The following CEP162 variants were observed in gnomAD, a reference collection of about 807,000 sequenced individuals.
CEP162 encodes centrosomal protein 162.
A neutral mutation model predicts 169.2 loss-of-function variants in CEP162; 141 were observed. That is an observed-to-expected ratio of 0.83 (90% CI 0.73 to 0.96). The LOEUF (loss-of-function observed/expected upper bound fraction) is 0.96. CEP162 is among the 40% of genes least tolerant of loss of function. The probability of loss-of-function intolerance (pLI) is 0.00; values close to 1 mark genes in which losing one functional copy is unlikely to be tolerated. For synonymous variants in CEP162, 540 were observed against 526.4 expected, an observed-to-expected ratio of 1.03 and a Z score of -0.35; for missense variants, 1,600 against 1,587.2, an observed-to-expected ratio of 1.01 and a Z score of -0.14.
At chr6:84,188,332 C>T (rs375014763) in intron 11 of CEP162, among the ~76,000 whole-genome samples, 5 of 152,148 alleles carry the variant, frequency 3.3e-5, no homozygotes, top group African/African-American at 1.2e-4. Context: ...CTATTTCACA[C>T]CCAGGTAATA....
Position 84,192,743 on chromosome 6 carries a change from G to C in CEP162, c.1109+866C>G, listed in dbSNP as rs551766063. Reference sequence around the variant, plus strand: ...AGATCAAAGACCTGACAATGTAAGTGGTTAAGCACATGGATGGCCTGTGTT... The same window carrying C: ...AGATCAAAGACCTGACAATGTAAGTCGTTAAGCACATGGATGGCCTGTGTT... On this transcript the variant is annotated intron_variant, in intron 11 of 26. Coordinates refer to ENST00000403245, the MANE Select transcript of CEP162 (RefSeq NM_014895.4). Among the ~76,000 whole-genome samples the C allele has an allele frequency of 2.0e-4, 30 of 152,338 alleles. 2 individuals carry two copies. Among genetic ancestry groups the C allele is most frequent in the South Asian group, 1.9e-3 (9 of 4,820 alleles).
chr6:84,205,741 A>G (rs1439860642), intron 6 of CEP162, among the ~76,000 whole-genome samples: 6 of 151,956 alleles, frequency 3.9e-5, no homozygotes, highest in Non-Finnish European at 1.5e-5. Context: ...AGGAGAAGGA[A>G]ATAAAGGGTA....
chr6:84,170,817 A>G (rs983580249), intron 17 of CEP162, among the ~76,000 whole-genome samples: 1 of 152,226 alleles, frequency 6.6e-6, no homozygotes, highest in Non-Finnish European at 1.5e-5. Flanking sequence ...AGTAACGTCC[A>G]AAAGACCTTA....
At chr6:84,172,271 G>A (rs1240403656) in intron 16 of CEP162, among the ~76,000 whole-genome samples, 1 of 152,190 alleles carries the variant, frequency 6.6e-6, no homozygotes, top group Non-Finnish European at 1.5e-5. Flanking sequence ...ACAAGGCAGA[G>A]CAGAGGACAG....
intron 25 of CEP162, among the ~76,000 whole-genome samples, chr6:84,140,413 T>C (rs908033858): frequency 6.6e-6 from 1 of 152,162 alleles, no homozygotes; most frequent in Non-Finnish European, 1.5e-5. Context: ...AGGTCTTTGT[T>C]TTCTTAGGCT....
intron 9 of CEP162, among the ~76,000 whole-genome samples, chr6:84,200,520 G>A (rs565262739): frequency 2.6e-5 from 4 of 152,110 alleles, no homozygotes; most frequent in African/African-American, 9.6e-5. Context: ...ATTAGTTAAC[G>A]TTCACCTACA....
intron 13 of CEP162, among the ~76,000 whole-genome samples, chr6:84,177,717 A>C (rs1196518568): frequency 6.6e-6 from 1 of 152,076 alleles, no homozygotes; most frequent in Non-Finnish European, 1.5e-5. Flanking sequence ...TTGTATTTTT[A>C]GTAGAGACAG....
At chr6:84,176,491 T>G (rs988227858) in intron 13 of CEP162, among the ~76,000 whole-genome samples, 15 of 152,240 alleles carry the variant, frequency 9.9e-5, no homozygotes, top group Admixed American at 8.5e-4. Flanking sequence ...ATGAATGGGG[T>G]GTGATCTGCT....
chr6:84,224,982 C>T (rs888282761), intron 2 of CEP162, among the ~76,000 whole-genome samples: 1 of 152,118 alleles, frequency 6.6e-6, no homozygotes, highest in African/African-American at 2.4e-5. Context: ...TTGGTAGATG[C>T]TTTTTTAAAT....
At chr6:84,130,511 A>G (rs2099510895) in intron 25 of CEP162, among the ~76,000 whole-genome samples, 1 of 152,122 alleles carries the variant, frequency 6.6e-6, no homozygotes, top group Non-Finnish European at 1.5e-5. Context: ...TTGGTAGGCT[A>G]TTAATTACTC....
intron 17 of CEP162, among the ~76,000 whole-genome samples, chr6:84,171,377 A>G (rs541560812): frequency 9.2e-5 from 14 of 152,332 alleles, no homozygotes; most frequent in African/African-American, 3.4e-4. Context: ...ATGAACATAA[A>G]TTCATATGAA....
At position 84,169,367 on chromosome 6, in the gene CEP162, C is replaced by T; in HGVS notation, c.2346G>A (p.Gln782=). ...VVEDSEPTRN[Q]NFTDLLAELR... ...GTTCTGCTAACAGATCTGTAAAATT[C>T]TGATTTCTTGTGGGCTCTGAATCTT... The change falls in exon 18 of 27, where the codon CAG becomes CAA. Residue 782 remains glutamine, a synonymous_variant. Coordinates refer to ENST00000403245, the MANE Select transcript of CEP162 (RefSeq NM_014895.4). 1 of 1,583,986 alleles carries T rather than the reference C, an allele frequency of 6.3e-7. No homozygotes were observed. The highest frequency in any genetic ancestry group is 8.6e-7 in the Non-Finnish European group (1 of 1,164,018).
intron 25 of CEP162, among the ~76,000 whole-genome samples, chr6:84,139,135 TC>T (rs2099515416): frequency 6.6e-6 from 1 of 152,190 alleles, no homozygotes; most frequent in Admixed American, 6.5e-5. Context: ...TCTATCCTCC[TC>T]TTTTTCTGCC....
intron 11 of CEP162, among the ~76,000 whole-genome samples, chr6:84,190,344 G>A (rs957179693): frequency 6.6e-6 from 1 of 152,178 alleles, no homozygotes; most frequent in Non-Finnish European, 1.5e-5. Context: ...CCAATCAGCA[G>A]GATGTGGGTG....
At chr6:84,184,058 T>C (rs958025151) in intron 13 of CEP162, among the ~76,000 whole-genome samples, 1 of 152,274 alleles carries the variant, frequency 6.6e-6, no homozygotes, top group African/African-American at 2.4e-5. Context: ...TCCCTTCCTA[T>C]CTGCCTCCAC....
At chr6:84,161,938 C>T (rs548862599) in intron 19 of CEP162, 29 bp from the exon 20 acceptor site, 20 of 1,331,476 alleles carry the variant, frequency 1.5e-5, no homozygotes, top group African/African-American at 3.0e-5. Flanking sequence ...CAATAACCTG[C>T]TTGTTGTTCT....
intron 7 of CEP162, among the ~76,000 whole-genome samples, chr6:84,202,579 G>C (rs1189106738): frequency 7.7e-6 from 1 of 130,536 alleles, no homozygotes; most frequent in Non-Finnish European, 1.5e-5. Flanking sequence ...CCAGGCTGGA[G>C]TGCAGTGGCT....
At chr6:84,214,184 CAGG>C (rs952984544) in intron 5 of CEP162, among the ~76,000 whole-genome samples, 6 of 152,278 alleles carry the variant, frequency 3.9e-5, no homozygotes, top group Admixed American at 3.9e-4. Context: ...GAGGCTGAGG[CAGG>C]AGAATGGTGT....
At chr6:84,148,087 T>C (rs542433733) in intron 24 of CEP162, among the ~76,000 whole-genome samples, 29 of 152,292 alleles carry the variant, frequency 1.9e-4, no homozygotes, top group African/African-American at 6.5e-4. Flanking sequence ...AGAATGCTTA[T>C]AGTTGCCCTC....
Sources: gnomAD v4.1 joint callset for allele counts (sites outside exome capture counted in the v4.1 genomes callset) on GRCh38, gnomAD v4.1.1 for gene constraint, MANE v1.5 for transcripts, NCBI Gene and HGNC (gene_info 2026-07-23, HGNC 2026-07-21) for gene names.